The following LAMB1 variants were observed in gnomAD, a reference collection of about 807,000 sequenced individuals.
The protein encoded by LAMB1 is laminin subunit beta-1.
A neutral mutation model predicts 222.3 loss-of-function variants in LAMB1; 121 were observed. The ratio of observed to expected loss-of-function variants is 0.54; its 90% confidence interval spans 0.47 to 0.63. The LOEUF is 0.63. Ranked by LOEUF, LAMB1 falls within the 30% of genes least tolerant of loss-of-function variation. The pLI is 0.00. For synonymous variants in LAMB1, 794 were observed against 807.2 expected, an observed-to-expected ratio of 0.98 and a Z score of 0.28; for missense variants, 2,172 against 2,240.8, an observed-to-expected ratio of 0.97 and a Z score of 0.62.
intron 15 of LAMB1, among the ~76,000 whole-genome samples, 194 bp downstream of exon 15, chr7:107,962,711 A>T (rs1198769020): frequency 2.0e-5 from 3 of 148,626 alleles, no homozygotes; most frequent in Admixed American, 2.0e-4. Context: ...GAGACTCAAA[A>T]AAAAAAAAAA....
chr7:107,989,743 A>G (rs554687705), intron 5 of LAMB1, among the ~76,000 whole-genome samples: 1 of 152,232 alleles, frequency 6.6e-6, no homozygotes, highest in Non-Finnish European at 1.5e-5. Flanking sequence ...AAGAGAGGGG[A>G]AGGTCTAATC....
At position 107,962,907 on chromosome 7, in the gene LAMB1, G is replaced by A; in HGVS notation, c.1855C>T (p.Gln619Ter). 1 of 1,611,360 alleles carries A rather than the reference G, an allele frequency of 6.2e-7. No homozygotes were observed. The highest frequency in any genetic ancestry group is 8.5e-7 in the Non-Finnish European group (1 of 1,178,492). ...AGTCCACTAAGTGGTTTCTTTACCT[G>A]TGGCTCGTAGCGAATTAGGATGTCG... ...EYDILIRYEP[Q>*]LPDHWEKAVI... is the part of the protein sequence containing the mutation. Residue 619 changes from glutamine to a stop codon, truncating the protein, a stop_gained and splice_region_variant, in exon 15 of 34, where the codon CAG becomes TAG. Coordinates refer to ENST00000222399, the MANE Select transcript of LAMB1 (RefSeq NM_002291.3). LOFTEE classifies it high-confidence loss of function.
At chr7:107,980,470 G>A (rs1433932742) in intron 8 of LAMB1, 139 bp downstream of exon 8, 4 of 646,650 alleles carry the variant, frequency 6.2e-6, no homozygotes, top group African/African-American at 3.6e-5. Flanking sequence ...TCAGCTACCT[G>A]TATGGTGCAA....
At chr7:108,000,426 T>C (rs1386564403) in intron 3 of LAMB1, among the ~76,000 whole-genome samples, 1 of 152,230 alleles carries the variant, frequency 6.6e-6, no homozygotes, top group Non-Finnish European at 1.5e-5. Context: ...GTCCTCCTTC[T>C]GAAGGGCAAT....
At chr7:107,965,926 G>C (rs540237188) in intron 13 of LAMB1, among the ~76,000 whole-genome samples, 3 of 151,698 alleles carry the variant, frequency 2.0e-5, no homozygotes, top group African/African-American at 7.3e-5. Flanking sequence ...GTGAAACCCC[G>C]TCTCTACTGA....
At chr7:107,980,839 G>T in intron 7 of LAMB1, 28 bp from the exon 8 acceptor site, 1 of 1,415,988 alleles carries the variant, frequency 7.1e-7, no homozygotes, top group Non-Finnish European at 9.9e-7. Flanking sequence ...AAGATGAAAA[G>T]TCTGATCAGA....
Position 107,940,660 on chromosome 7 carries a change from T to A in LAMB1, c.3392-302A>T, listed in dbSNP as rs116052160. The stretch of plus-strand genomic sequence containing the variant: ...GTTATAATAATCACTATTTCACAGA[T>A]GTGGGAACTCAGAGATCAGAGAGAT... On this transcript the variant is annotated intron_variant, in intron 24 of 33. Transcript: ENST00000222399. 4.8e-3 allele frequency: 1,532 copies of A among 322,252 alleles called. 25 individuals are homozygous for A. Among genetic ancestry groups the A allele is most frequent in the African/African-American group, 0.029 (1,423 of 48,494 alleles). The allele number at this position is 322,252 out of a possible 1,614,324, so 20.0% of individuals were successfully genotyped here.
intron 24 of LAMB1, among the ~76,000 whole-genome samples, chr7:107,941,128 G>C (rs1027116790): frequency 6.6e-6 from 1 of 152,172 alleles, no homozygotes; most frequent in Non-Finnish European, 1.5e-5. Flanking sequence ...AATAGGGTTG[G>C]CACCTCATGC....
chr7:107,961,441 C>T (rs2033498326), intron 16 of LAMB1, 108 bp downstream of exon 16: 1 of 1,567,484 alleles, frequency 6.4e-7, no homozygotes, highest in African/African-American at 1.4e-5. Flanking sequence ...AAAAAGTCAG[C>T]AGTCAACGTC....
chr7:107,953,778 C>T (rs1489868450), intron 21 of LAMB1, 24 bp from the exon 22 acceptor site: 5 of 1,603,872 alleles, frequency 3.1e-6, no homozygotes, highest in Non-Finnish European at 4.3e-6. Flanking sequence ...AAACCAAACA[C>T]AAGATGTTTA....
At chr7:107,951,932 T>C in intron 23 of LAMB1, 77 bp downstream of exon 23, 2 of 1,267,028 alleles carry the variant, frequency 1.6e-6, no homozygotes, top group Admixed American at 2.1e-5. Context: ...CCTGGTGCCT[T>C]GCTCTAACTG....
At chr7:107,970,369 T>A (rs755710440) in intron 13 of LAMB1, among the ~76,000 whole-genome samples, 1 of 151,534 alleles carries the variant, frequency 6.6e-6, no homozygotes, top group Non-Finnish European at 1.5e-5. Flanking sequence ...GTGCCTGTAG[T>A]CCCAACTACT....
At chr7:107,967,457 C>T (rs2237698) in intron 13 of LAMB1, among the ~76,000 whole-genome samples, 16,375 of 152,200 alleles carry the variant, frequency 0.11, 1,036 homozygotes, top group Middle Eastern at 0.25. Context: ...CATTGTTTCA[C>T]GAAAACCCAC....
At chr7:107,934,456 CAGGA>C (rs1485611843) in intron 27 of LAMB1, among the ~76,000 whole-genome samples, 1 of 152,114 alleles carries the variant, frequency 6.6e-6, no homozygotes, top group Non-Finnish European at 1.5e-5. Flanking sequence ...CTTGAAAACA[CAGGA>C]AGGAAGAGGA....
intron 29 of LAMB1, among the ~76,000 whole-genome samples, chr7:107,930,650 T>G (rs2116323456): frequency 6.6e-6 from 1 of 152,296 alleles, no homozygotes; most frequent in East Asian, 1.9e-4. Context: ...AGGGAAGACT[T>G]CCTCCTTTTT....
intron 5 of LAMB1, among the ~76,000 whole-genome samples, chr7:107,990,799 G>GCAGTGTC (rs1039086744): frequency 6.6e-6 from 1 of 152,198 alleles, no homozygotes; most frequent in African/African-American, 2.4e-5. Context: ...TCAGAGTATG[G>GCAGTGTC]CAGTGAGTGG....
intron 12 of LAMB1, among the ~76,000 whole-genome samples, chr7:107,974,644 C>T (rs146129865): frequency 1.5e-3 from 233 of 152,298 alleles, no homozygotes; most frequent in African/African-American, 5.4e-3. Context: ...CTCCAAAATG[C>T]TTTTCACAAA....
chr7:107,963,904 G>A (rs1408419541), intron 14 of LAMB1, among the ~76,000 whole-genome samples: 2 of 152,192 alleles, frequency 1.3e-5, no homozygotes, highest in African/African-American at 2.4e-5. Context: ...TTCGAGACCA[G>A]CCTGACCAAC....
chr7:107,999,937 T>C (rs1337972121), intron 3 of LAMB1: 2 of 152,134 alleles, frequency 1.3e-5, no homozygotes, highest in Non-Finnish European at 2.9e-5. Context: ...TTAGAGAAAC[T>C]TCTCTAGTAA....
Sources: gnomAD v4.1 joint callset for allele counts (sites outside exome capture counted in the v4.1 genomes callset) on GRCh38, gnomAD v4.1.1 for gene constraint, MANE v1.5 for transcripts, NCBI Gene and HGNC (gene_info 2026-07-23, HGNC 2026-07-21) for gene names.